Variants in PAFAH1B1 observed in about 807,000 individuals in gnomAD.
The protein encoded by PAFAH1B1 is platelet-activating factor acetylhydrolase IB subunit beta.
A neutral mutation model predicts 57.5 loss-of-function variants in PAFAH1B1; 2 were observed. That is an observed-to-expected ratio of 0.03 (90% CI 0.01 to 0.11). The LOEUF is 0.11. PAFAH1B1 is among the 10% of genes least tolerant of loss of function. The pLI, the probability that PAFAH1B1 is intolerant of heterozygous loss-of-function variation, is 1.00. For synonymous variants in PAFAH1B1, 152 were observed against 169.6 expected, an observed-to-expected ratio of 0.90 and a Z score of 0.81; for missense variants, 257 against 512.0, an observed-to-expected ratio of 0.50 and a Z score of 4.81.
At chr17:2,649,549 C>T (rs1464965134) in intron 2 of PAFAH1B1, among the ~76,000 whole-genome samples, 1 of 152,146 alleles carries the variant, frequency 6.6e-6, no homozygotes, top group Non-Finnish European at 1.5e-5. Flanking sequence ...GCACTCCAGC[C>T]TGGGCAACAG....
chr17:2,677,739 A>T (rs1365171462), intron 9 of PAFAH1B1, among the ~76,000 whole-genome samples: 1 of 151,814 alleles, frequency 6.6e-6, no homozygotes, highest in African/African-American at 2.4e-5. Context: ...CTGTAGTCCC[A>T]GCTACTTGGG....
In PAFAH1B1 at chr17:2,618,483, C is replaced by T. The variant is rs1056596914; in HGVS notation, c.-190-19616C>T. Among the ~76,000 whole-genome samples the T allele has an allele frequency of 8.5e-5, 13 of 152,084 alleles. No homozygotes were observed. In the East Asian group the frequency reaches 9.7e-4, roughly 11 times the overall value. ...ATCTAAGGAAATGAAGTTACTCTTA[C>T]GGAGTATTTTGTCCTTCTATGTAAT... is the stretch of plus-strand genomic sequence containing the variant. On this transcript the variant is annotated intron_variant, in intron 1 of 10. Coordinates refer to ENST00000397195, the MANE Select transcript of PAFAH1B1 (RefSeq NM_000430.4).
chr17:2,648,076 C>G (rs941949935), intron 2 of PAFAH1B1, among the ~76,000 whole-genome samples: 9 of 152,028 alleles, frequency 5.9e-5, no homozygotes, highest in Admixed American at 5.2e-4. Flanking sequence ...TGGCAGGCCT[C>G]AGGAAAGTTA....
chr17:2,664,468 C>T (rs568803387), intron 2 of PAFAH1B1, among the ~76,000 whole-genome samples: 42 of 151,100 alleles, frequency 2.8e-4, no homozygotes, highest in South Asian at 2.1e-4. Flanking sequence ...TGCAGTGATG[C>T]GGTCTTGGCT....
intron 1 of PAFAH1B1, among the ~76,000 whole-genome samples, chr17:2,619,289 CCTAAGT>C (rs2068388505): frequency 6.6e-6 from 1 of 151,958 alleles, no homozygotes; most frequent in African/African-American, 2.4e-5. Flanking sequence ...GTAGCTGGGA[CCTAAGT>C]ATGTACCAAC....
chr17:2,667,458 T>G (rs2069121674), intron 5 of PAFAH1B1: 11 of 393,660 alleles, frequency 2.8e-5, no homozygotes, highest in South Asian at 2.4e-4. Flanking sequence ...AAGACAGAAT[T>G]GGAATAAAAT....
At chr17:2,645,497 G>A (rs1297435152) in intron 2 of PAFAH1B1, among the ~76,000 whole-genome samples, 1 of 151,382 alleles carries the variant, frequency 6.6e-6, no homozygotes, top group African/African-American at 2.4e-5. Flanking sequence ...GGAGGCTGAG[G>A]CACAAGAATC....
intron 1 of PAFAH1B1, among the ~76,000 whole-genome samples, chr17:2,612,250 C>A (rs1342556552): frequency 1.3e-5 from 2 of 149,874 alleles, no homozygotes; most frequent in African/African-American, 4.9e-5. Flanking sequence ...ATCGCCCAGG[C>A]TGGAGTGCAG....
At chr17:2,611,472 C>CAA in intron 1 of PAFAH1B1, among the ~76,000 whole-genome samples, 1 of 118,390 alleles carries the variant, frequency 8.4e-6, no homozygotes, top group South Asian at 2.7e-4. Flanking sequence ...CGTCTCGGGG[C>CAA]AAAAAAAAAA....
chr17:2,627,399 G>GT (rs1370874748), intron 1 of PAFAH1B1, among the ~76,000 whole-genome samples: 1 of 152,150 alleles, frequency 6.6e-6, no homozygotes, highest in Admixed American at 6.5e-5. Flanking sequence ...TCAGTTGGCT[G>GT]TAAGTATTTG....
chr17:2,635,496 T>G (rs923105300), intron 1 of PAFAH1B1: 2 of 152,146 alleles, frequency 1.3e-5, no homozygotes, highest in Non-Finnish European at 2.9e-5. Context: ...CCTGAGTAGC[T>G]GGGACTGACT....
chr17:2,641,830 C>T (rs1156742002), intron 2 of PAFAH1B1: 1 of 152,150 alleles, frequency 6.6e-6, no homozygotes, highest in East Asian at 1.9e-4. Flanking sequence ...GTAGAAAATA[C>T]ATGCATGTAT....
chr17:2,679,960 C>G (rs981010421), intron 9 of PAFAH1B1: 3 of 583,474 alleles, frequency 5.1e-6, no homozygotes, highest in Non-Finnish European at 9.1e-6. Context: ...TAACCCTCAT[C>G]CAGGACCCAG....
chr17:2,675,773 C>T (rs1341943362), intron 8 of PAFAH1B1, among the ~76,000 whole-genome samples: 4 of 151,930 alleles, frequency 2.6e-5, no homozygotes, highest in Admixed American at 2.0e-4. Flanking sequence ...CCCAGGAGTT[C>T]AAAGCTGCAG....
intron 2 of PAFAH1B1, among the ~76,000 whole-genome samples, chr17:2,644,679 G>T (rs1345329845): frequency 6.6e-6 from 1 of 152,178 alleles, no homozygotes; most frequent in Non-Finnish European, 1.5e-5. Flanking sequence ...AAATAATACT[G>T]TAATACATAA....
intron 2 of PAFAH1B1, among the ~76,000 whole-genome samples, chr17:2,663,701 A>AT (rs11396911): frequency 0.85 from 125,103 of 146,374 alleles, 53,900 homozygotes; most frequent in East Asian, 0.92. Context: ...AATTCTCTGG[A>AT]TTTTTTTTTT....
In PAFAH1B1 at chr17:2,659,520, C is replaced by CAAAA. The variant is rs1162326785; in HGVS notation, c.33-5834_33-5831dup. 163 of 42,852 alleles carry CAAAA rather than the reference C, an allele frequency of 3.8e-3. 1 individual carries two copies. The highest frequency in any genetic ancestry group is 0.016 in the African/African-American group (155 of 9,994). 2.7% of individuals were successfully genotyped at this position (42,852 alleles called of 1,614,324 possible). ...TGGCGACAGAGTGAGACTGCCTCGC[C>CAAAA]AAAAAAAAAAAAAAAAAAAAAGGAA... is the stretch of plus-strand genomic sequence containing the variant. On this transcript the variant is annotated intron_variant, in intron 2 of 10. Transcript: ENST00000397195.
At chr17:2,656,319 A>T (rs2068935844) in intron 2 of PAFAH1B1, among the ~76,000 whole-genome samples, 1 of 152,082 alleles carries the variant, frequency 6.6e-6, no homozygotes, top group African/African-American at 2.4e-5. Context: ...TCATGGTGGC[A>T]TGTGCCTGTA....
At chr17:2,623,425 A>AT (rs1371465469) in intron 1 of PAFAH1B1, among the ~76,000 whole-genome samples, 1 of 151,328 alleles carries the variant, frequency 6.6e-6, no homozygotes, top group Non-Finnish European at 1.5e-5. Flanking sequence ...CACCCGGCTA[A>AT]TTTTTTGTAT....
Sources: allele counts gnomAD v4.1 joint callset (sites outside exome capture counted in the v4.1 genomes callset), GRCh38; gene constraint gnomAD v4.1.1; transcripts MANE v1.5; gene names NCBI Gene and HGNC (gene_info 2026-07-23, HGNC 2026-07-21).